Variants in EFCAB6 observed in about 807,000 individuals in gnomAD.
EFCAB6 encodes the protein EF-hand calcium-binding domain-containing protein 6.
EFCAB6 carries 156 observed loss-of-function variants against 169.8 expected under a neutral mutation model. That is an observed-to-expected ratio of 0.92 (90% confidence interval 0.81 to 1.05). EFCAB6 has a LOEUF of 1.05. EFCAB6 is among the 50% of genes least tolerant of loss of function. The pLI is 0.00. For missense variants in EFCAB6, 1,800 were observed against 1,829.1 expected (o/e 0.98, Z 0.29); for synonymous variants, 698 against 676.4 (o/e 1.03, Z -0.50).
chr22:43,776,064 T>C (rs528884033), intron 3 of EFCAB6, among the ~76,000 whole-genome samples: 1 of 152,288 alleles, frequency 6.6e-6, no homozygotes, highest in South Asian at 2.1e-4. Flanking sequence ...AATAGATACC[T>C]GGAACAGAAG....
chr22:43,728,629 G>A (rs5764252), intron 8 of EFCAB6, among the ~76,000 whole-genome samples: 115,669 of 152,100 alleles, frequency 0.76, 44,129 homozygotes, highest in East Asian at 0.87. Flanking sequence ...TGGTATCTCA[G>A]TGTGGTTTTG....
At position 43,548,828 on chromosome 22, in the gene EFCAB6, C is replaced by G. The variant is rs577023217; in HGVS notation, c.3648+6041G>C. 1.2e-4 allele frequency among the ~76,000 whole-genome samples: 19 copies of G among 152,134 alleles called. No homozygotes were observed. In the South Asian group the frequency reaches 3.7e-3, roughly 30 times the overall value. ...AGCATATGTGGAACCCTTCGCTCAG[C>G]CACTGGAGGCTATGCATACTATCCA... On this transcript the variant is annotated intron_variant, in intron 27 of 31. Transcript: ENST00000262726.
At chr22:43,765,459 C>T in intron 4 of EFCAB6, 66 bp from the exon 5 acceptor site, 1 of 1,250,956 alleles carries the variant, frequency 8.0e-7, no homozygotes, top group Non-Finnish European at 1.2e-6. Flanking sequence ...GACGGTAAAG[C>T]AGATTTCTAA....
At chr22:43,577,644 T>G (rs1019445684) in intron 25 of EFCAB6, among the ~76,000 whole-genome samples, 30 of 152,320 alleles carry the variant, frequency 2.0e-4, no homozygotes, top group Admixed American at 2.0e-3. Context: ...TCCAGGTACC[T>G]GGCCCGTGGG....
In EFCAB6 at chr22:43,786,307, G is replaced by T. The variant is rs529934498; in HGVS notation, c.-7-3982C>A. Among the ~76,000 whole-genome samples, 15 of 152,172 alleles carry T rather than the reference G, an allele frequency of 9.9e-5. 1 individual carries two copies. In the East Asian group the frequency reaches 2.9e-3, roughly 29 times the overall value. On this transcript the variant is annotated intron_variant, in intron 2 of 31. Transcript: ENST00000262726. ...GAACTTGGGAGGTGGATGTTAAAGT[G>T]TGCTGAGATCAATTCACCTAACGCT...
intron 17 of EFCAB6, among the ~76,000 whole-genome samples, chr22:43,640,945 A>G (rs548188560): frequency 1.3e-5 from 2 of 152,288 alleles, no homozygotes; most frequent in Admixed American, 6.5e-5. Flanking sequence ...CAGCTCAGGG[A>G]GAGCCTTCTC....
chr22:43,696,497 G>A (rs917355730), intron 10 of EFCAB6, among the ~76,000 whole-genome samples: 3 of 152,114 alleles, frequency 2.0e-5, no homozygotes, highest in Non-Finnish European at 2.9e-5. Context: ...GTATATGAAT[G>A]GTCATAGCAG....
intron 2 of EFCAB6, among the ~76,000 whole-genome samples, chr22:43,782,729 G>A (rs551689645): frequency 6.6e-6 from 1 of 152,172 alleles, no homozygotes; most frequent in African/African-American, 2.4e-5. Flanking sequence ...AACTGGTGGA[G>A]TAAGGACCTC....
At chr22:43,665,674 C>T (rs2057214174) in intron 17 of EFCAB6, among the ~76,000 whole-genome samples, 2 of 152,218 alleles carry the variant, frequency 1.3e-5, no homozygotes, top group Admixed American at 1.3e-4. Context: ...CCCATGGCTA[C>T]CACTCACTCC....
chr22:43,753,664 A>G (rs1237864047), intron 6 of EFCAB6, among the ~76,000 whole-genome samples: 1 of 152,174 alleles, frequency 6.6e-6, no homozygotes, highest in Non-Finnish European at 1.5e-5. Flanking sequence ...TGTGAAGAAG[A>G]GAGAGGCTGA....
chr22:43,585,462 A>C (rs1406884547), intron 24 of EFCAB6, among the ~76,000 whole-genome samples: 1 of 152,200 alleles, frequency 6.6e-6, no homozygotes, highest in African/African-American at 2.4e-5. Context: ...ATAGGACAAG[A>C]TATCCAAAGA....
chr22:43,772,864 G>T (rs1460707128), intron 4 of EFCAB6, 28 bp downstream of exon 4: 5 of 1,610,014 alleles, frequency 3.1e-6, no homozygotes, highest in Non-Finnish European at 2.5e-6. Flanking sequence ...GGAATTGAGG[G>T]ATTCTAAGTA....
At chr22:43,558,960 G>C (rs893487703) in intron 26 of EFCAB6, among the ~76,000 whole-genome samples, 2 of 152,178 alleles carry the variant, frequency 1.3e-5, no homozygotes, top group Non-Finnish European at 2.9e-5. Flanking sequence ...CATGGGCAAA[G>C]ACTCCATGAC....
At chr22:43,583,306 C>T (rs185680284) in intron 24 of EFCAB6, among the ~76,000 whole-genome samples, 1 of 151,440 alleles carries the variant, frequency 6.6e-6, no homozygotes, top group East Asian at 2.0e-4. Flanking sequence ...CTTCTGCTTG[C>T]TCTTTGAGAT....
chr22:43,561,395 G>C (rs1170696051), intron 26 of EFCAB6, among the ~76,000 whole-genome samples: 3 of 151,296 alleles, frequency 2.0e-5, no homozygotes, highest in Non-Finnish European at 3.0e-5. Flanking sequence ...AGAAAACTTA[G>C]AAACTACAAA....
chr22:43,718,857 T>C (rs1007079514), intron 8 of EFCAB6, among the ~76,000 whole-genome samples: 2 of 152,166 alleles, frequency 1.3e-5, no homozygotes, highest in African/African-American at 4.8e-5. Context: ...GGGCTGAGCA[T>C]TTGAAACCTG....
chr22:43,741,805 G>C (rs944447285), intron 6 of EFCAB6, among the ~76,000 whole-genome samples: 1 of 152,002 alleles, frequency 6.6e-6, no homozygotes, highest in South Asian at 2.1e-4. Context: ...ATCCAGCCAC[G>C]GGCAGAACCC....
chr22:43,670,797 C>A (rs2057455706), intron 15 of EFCAB6, among the ~76,000 whole-genome samples: 1 of 152,188 alleles, frequency 6.6e-6, no homozygotes, highest in Non-Finnish European at 1.5e-5. Flanking sequence ...TCTGAAAGTC[C>A]AGGGGCAAGA....
chr22:43,671,662 G>A (rs1569354854), intron 15 of EFCAB6, among the ~76,000 whole-genome samples: 1 of 152,194 alleles, frequency 6.6e-6, no homozygotes, highest in East Asian at 1.9e-4. Context: ...TAGAGACCCA[G>A]GAGGGAACTC....
Sources: gnomAD v4.1 joint callset for allele counts (sites outside exome capture counted in the v4.1 genomes callset) on GRCh38, gnomAD v4.1.1 for gene constraint, MANE v1.5 for transcripts, NCBI Gene and HGNC (gene_info 2026-07-23, HGNC 2026-07-21) for gene names.